PALLD: variants seen among roughly 807,000 people sequenced by gnomAD.
The protein encoded by PALLD is palladin.
PALLD carries 61 observed loss-of-function variants against 123.5 expected under a neutral mutation model. The ratio of observed to expected loss-of-function variants is 0.49; its 90% CI spans 0.40 to 0.61. PALLD has a LOEUF of 0.61. Ranked by LOEUF, PALLD falls within the 20% of genes least tolerant of loss-of-function variation. The probability of loss-of-function intolerance (pLI) is 0.00; values close to 1 mark genes in which losing one functional copy is unlikely to be tolerated. For synonymous variants in PALLD, 465 were observed against 496.4 expected (o/e 0.94, Z 0.84); for missense variants, 1,273 against 1,377.0 (o/e 0.92, Z 1.20).
intron 10 of PALLD, among the ~76,000 whole-genome samples, chr4:168,776,013 C>T (rs1306385820): frequency 1.3e-5 from 2 of 152,172 alleles, no homozygotes; most frequent in East Asian, 1.9e-4. Flanking sequence ...TTTGGCTACT[C>T]TTGGTCCTTT....
At chr4:168,586,781 A>T (rs899231127) in intron 2 of PALLD, among the ~76,000 whole-genome samples, 2 of 152,172 alleles carry the variant, frequency 1.3e-5, no homozygotes, top group Non-Finnish European at 2.9e-5. Context: ...TCAAACCCTT[A>T]TATACCAAAT....
rs571607157 is a variant in PALLD at position 168,680,481 on chromosome 4, C to CAAA, written c.1088-824_1088-822dup. 2.9e-4 allele frequency among the ~76,000 whole-genome samples: 17 copies of CAAA among 59,170 alleles called. 1 individual carries two copies. Among genetic ancestry groups the CAAA allele is most frequent in the African/African-American group, 1.1e-3 (17 of 15,644 alleles). 38.8% of individuals were successfully genotyped at this position (59,170 alleles called of 152,430 possible). Reference sequence around the variant, plus strand: ...TGGGTGACAGAGCAAGATTCCGTCTCAAAAAAAAAAAAAAAAAAAAAAAAA... The same window carrying CAAA: ...TGGGTGACAGAGCAAGATTCCGTCTCAAAAAAAAAAAAAAAAAAAAAAAAAAAA... On this transcript the variant is annotated intron_variant, in intron 3 of 21. Transcript: ENST00000505667.
rs747755592 is a variant in PALLD at position 168,746,380 on chromosome 4, CAAAAAAAAA to C, written c.1964+34479_1964+34487del. Among the ~76,000 whole-genome samples the C allele has an allele frequency of 1.0e-2, 369 of 37,002 alleles. 4 individuals are homozygous for C. The highest frequency in any genetic ancestry group is 0.026 in the African/African-American group (337 of 12,916). 24.3% of individuals were successfully genotyped at this position (37,002 alleles called of 152,430 possible). A position where few individuals can be genotyped will look rare whatever the true frequency, so the allele number is the denominator to read the frequency against. Reference sequence around the variant, plus strand: ...TGGGCGACAGAGCGAGAACCCGTCTCAAAAAAAAAAAAAAAAAAAAAAAAAAAAAAGAGG... The same window carrying C: ...TGGGCGACAGAGCGAGAACCCGTCTCAAAAAAAAAAAAAAAAAAAAAGAGG... On this transcript the variant is annotated intron_variant, in intron 10 of 21. Transcript: ENST00000505667.
chr4:168,605,951 C>A (rs989313657), intron 2 of PALLD, among the ~76,000 whole-genome samples: 1 of 151,704 alleles, frequency 6.6e-6, no homozygotes, highest in Admixed American at 6.6e-5. Flanking sequence ...TTTTTTAGGG[C>A]AAATTTCTAG....
At position 168,668,260 on chromosome 4, in the gene PALLD, C is replaced by T. The variant is rs745866686; in HGVS notation, c.979C>T (p.His327Tyr). 3 of 1,614,072 alleles carry T rather than the reference C, an allele frequency of 1.9e-6. No homozygotes were observed. The highest frequency in any genetic ancestry group is 1.1e-5 in the South Asian group (1 of 91,078). Residue 327 changes from histidine (H) to tyrosine (Y), a missense_variant, in exon 3 of 22, where the codon CAT becomes TAT. His to Tyr is a moderately conservative substitution (Grantham distance 83, BLOSUM62 2). Transcript: ENST00000505667. ...AATCCACTGTGAGGGAGGGGACCTC[C>T]ATACCCTGATCATAGCAGAGGCCTT... ...IQIHCEGGDL[H>Y]TLIIAEAFED...
chr4:168,923,917 G>A (rs1483060227), intron 18 of PALLD, among the ~76,000 whole-genome samples: 2 of 85,904 alleles, frequency 2.3e-5, no homozygotes, highest in African/African-American at 6.1e-5. Context: ...GTGAATGATC[G>A]GTAACATAAT....
chr4:168,882,857 C>T (rs982933074), intron 10 of PALLD, among the ~76,000 whole-genome samples: 14 of 152,032 alleles, frequency 9.2e-5, no homozygotes, highest in Admixed American at 8.5e-4. Flanking sequence ...AGAAGTAACC[C>T]GAAGCCAGTG....
At chr4:168,539,064 T>C (rs2149501367) in intron 2 of PALLD, among the ~76,000 whole-genome samples, 1 of 152,348 alleles carries the variant, frequency 6.6e-6, no homozygotes, top group South Asian at 2.1e-4. Flanking sequence ...GAATTATAAT[T>C]TGAAATTGTT....
chr4:168,819,327 T>TTGTG lies in PALLD; in HGVS notation c.1965-71562_1965-71559dup, dbSNP rs3046003. ...GTAACTGCAGAGGCTCCGAGACCATTTGTGTGTGTGTGTGTGTGTGTGTGT... is the reference window on the plus strand; with the variant it reads ...GTAACTGCAGAGGCTCCGAGACCATTTGTGTGTGTGTGTGTGTGTGTGTGTGTGT... On this transcript the variant is annotated intron_variant, in intron 10 of 21. Transcript: ENST00000505667. Among the ~76,000 whole-genome samples the TTGTG allele has an allele frequency of 8.7e-3, 1,290 of 148,928 alleles. 18 individuals are homozygous for TTGTG. The highest frequency in any genetic ancestry group is 0.036 in the East Asian group (182 of 5,016).
At chr4:168,823,829 CCT>C (rs1743055431) in intron 10 of PALLD, among the ~76,000 whole-genome samples, 2 of 152,192 alleles carry the variant, frequency 1.3e-5, no homozygotes, top group African/African-American at 2.4e-5. Flanking sequence ...AAAATTAATT[CCT>C]CCATGATGCT....
At chr4:168,542,662 T>G (rs866234234) in intron 2 of PALLD, among the ~76,000 whole-genome samples, 1 of 77,410 alleles carries the variant, frequency 1.3e-5, no homozygotes, top group Non-Finnish European at 2.3e-5. Flanking sequence ...TGTAAAGCTC[T>G]CTCTCTCTAT....
chr4:168,550,793 A>G (rs1035888014), intron 2 of PALLD, among the ~76,000 whole-genome samples: 2 of 152,058 alleles, frequency 1.3e-5, no homozygotes, highest in Admixed American at 1.3e-4. Flanking sequence ...CTCAATTACT[A>G]ATTTAGTTTT....
chr4:168,631,964 A>G lies in PALLD; in HGVS notation c.909-36226A>G, dbSNP rs555205681. The G allele has an allele frequency of 1.1e-5, 10 of 936,564 alleles. No homozygotes were observed. The African/African-American group carries it at 1.8e-4, about 17-fold the overall frequency. 58.0% of individuals were successfully genotyped at this position (936,564 alleles called of 1,614,324 possible). On this transcript the variant is annotated intron_variant, in intron 2 of 21. Transcript: ENST00000505667. Reference sequence around the variant, plus strand: ...ATAAAGCTTTGCAGCCTTTCCAGGCAGTGGCATGCAAGTACTCGTGCGAAG... The same window carrying G: ...ATAAAGCTTTGCAGCCTTTCCAGGCGGTGGCATGCAAGTACTCGTGCGAAG...
intron 2 of PALLD, among the ~76,000 whole-genome samples, chr4:168,532,720 T>C (rs1764720278): frequency 6.6e-6 from 1 of 151,978 alleles, no homozygotes; most frequent in Non-Finnish European, 1.5e-5. Context: ...ACATCATAAA[T>C]AGGGGAAAAG....
intron 2 of PALLD, among the ~76,000 whole-genome samples, chr4:168,532,163 CA>C (rs1361000863): frequency 7.9e-5 from 12 of 152,244 alleles, no homozygotes; most frequent in Non-Finnish European, 8.8e-5. Flanking sequence ...ATTTAGCTTC[CA>C]CTTATAAGTG....
chr4:168,589,396 T>C (rs1771175256), intron 2 of PALLD, among the ~76,000 whole-genome samples: 1 of 152,180 alleles, frequency 6.6e-6, no homozygotes, highest in Non-Finnish European at 1.5e-5. Flanking sequence ...CCAATCCCTC[T>C]GAGTCAGAAT....
chr4:168,722,953 G>A (rs1479001309), intron 10 of PALLD, among the ~76,000 whole-genome samples: 1 of 152,212 alleles, frequency 6.6e-6, no homozygotes, highest in Non-Finnish European at 1.5e-5. Context: ...AAAATGGGGA[G>A]TGTCAGATGA....
intron 2 of PALLD, among the ~76,000 whole-genome samples, chr4:168,581,154 C>T (rs1770231722): frequency 6.6e-6 from 1 of 151,918 alleles, no homozygotes; most frequent in African/African-American, 2.4e-5. Context: ...AAAAAAAATA[C>T]CCAGATCCTT....
chr4:168,891,294 C>T (rs1754119584), intron 11 of PALLD, among the ~76,000 whole-genome samples: 1 of 152,184 alleles, frequency 6.6e-6, no homozygotes, highest in Non-Finnish European at 1.5e-5. Context: ...TCCTGGGTAG[C>T]TGGAACCACA....
Sources: gnomAD v4.1 joint callset for allele counts (sites outside exome capture counted in the v4.1 genomes callset) on GRCh38, gnomAD v4.1.1 for gene constraint, MANE v1.5 for transcripts, NCBI Gene and HGNC (gene_info 2026-07-23, HGNC 2026-07-21) for gene names.